NID1: variants seen among roughly 807,000 people sequenced by gnomAD.
NID1 encodes nidogen 1.
NID1 carries 76 observed loss-of-function variants against 130.6 expected under a neutral mutation model. That is an observed-to-expected ratio of 0.58 (90% CI 0.48 to 0.70). The LOEUF is 0.70. Ranked by LOEUF, NID1 falls within the 30% of genes least tolerant of loss-of-function variation. The pLI is 0.00. For missense variants in NID1, 1,517 were observed against 1,664.8 expected (o/e 0.91, Z 1.54); for synonymous variants, 665 against 675.1 (o/e 0.98, Z 0.23).
At chr1:235,981,913 G>T in intron 15 of NID1, 131 bp from the exon 16 acceptor site, 1 of 779,034 alleles carries the variant, frequency 1.3e-6, no homozygotes, top group Non-Finnish European at 2.0e-6. Flanking sequence ...ATGGGAATGT[G>T]AAATGCTTGT....
chr1:236,015,176 C>T (rs147778250), intron 10 of NID1, among the ~76,000 whole-genome samples: 1 of 152,166 alleles, frequency 6.6e-6, no homozygotes, highest in African/African-American at 2.4e-5. Context: ...AGGCTTCCGA[C>T]CTAGAACACT....
chr1:235,979,157 C>T lies in NID1; in HGVS notation c.3510-50G>A, dbSNP rs1205362768. 3 of 1,199,268 alleles carry T rather than the reference C, an allele frequency of 2.5e-6. No individual in the cohort carries two copies. Among genetic ancestry groups the T allele is most frequent in the South Asian group, 1.2e-5 (1 of 81,742 alleles). 74.3% of individuals were successfully genotyped at this position (1,199,268 alleles called of 1,614,324 possible). On this transcript the variant is annotated intron_variant, in intron 18 of 19. Coordinates refer to ENST00000264187, the MANE Select transcript of NID1 (RefSeq NM_002508.3). This position sits in a 1 kb window ranked among gnomAD's most constrained non-coding sequence, Gnocchi z 4.6. ...GTGAAAACACATCTGATGGCTTGAA[C>T]TTGTATCTAAACAAGGCAGCCTCTT... is the stretch of plus-strand genomic sequence containing the variant.
chr1:235,997,142 G>C (rs1657951343), intron 12 of NID1, among the ~76,000 whole-genome samples: 1 of 152,024 alleles, frequency 6.6e-6, no homozygotes, highest in South Asian at 2.1e-4. Flanking sequence ...CCTCCTCTCT[G>C]CTTTTTTTTG....
At chr1:236,037,646 A>C (rs1211150245) in intron 5 of NID1, among the ~76,000 whole-genome samples, 1 of 144,114 alleles carries the variant, frequency 6.9e-6, no homozygotes, top group African/African-American at 2.7e-5. Context: ...TGACAGAGTA[A>C]GACTCTGTCT....
Position 236,042,157 on chromosome 1 carries a change from A to G in NID1, c.888T>C (p.Tyr296=), listed in dbSNP as rs755386683. ...GAEYDDEDED[Y]DLATTRLGLE... is the part of the protein sequence containing the mutation. ...GGCCCAGACGAGTGGTCGCCAGGTC[A>G]TAATCTTCATCCTCATCATCATACT... The change falls in exon 4 of 20, where the codon TAT becomes TAC. Residue 296 remains tyrosine, a synonymous_variant. Coordinates refer to ENST00000264187, the MANE Select transcript of NID1 (RefSeq NM_002508.3). The G allele has an allele frequency of 1.2e-6, 2 of 1,614,074 alleles. No homozygotes were observed. Among genetic ancestry groups the G allele is most frequent in the Non-Finnish European group, 1.7e-6 (2 of 1,180,030 alleles).
chr1:236,029,455 C>G, intron 7 of NID1, 95 bp downstream of exon 7: 1 of 1,228,136 alleles, frequency 8.1e-7, no homozygotes, highest in Non-Finnish European at 1.1e-6. Context: ...CTCCAGATCC[C>G]AGAGACAGCC....
At chr1:235,999,360 A>G (rs1658014029) in intron 12 of NID1, among the ~76,000 whole-genome samples, 1 of 152,190 alleles carries the variant, frequency 6.6e-6, no homozygotes, top group South Asian at 2.1e-4. Flanking sequence ...ACTTGTAAAA[A>G]GGAGGGGGAA....
intron 11 of NID1, 54 bp from the exon 12 acceptor site, chr1:236,012,097 G>T: frequency 6.3e-7 from 1 of 1,589,344 alleles, no homozygotes. Flanking sequence ...GGAATTCGTA[G>T]TTTACCCAAT....
At chr1:236,062,752 T>C (rs986652924) in intron 1 of NID1, among the ~76,000 whole-genome samples, 9 of 151,866 alleles carry the variant, frequency 5.9e-5, no homozygotes, top group Non-Finnish European at 1.0e-4. Context: ...TCATATCACA[T>C]CATAGTTGCT....
intron 12 of NID1, among the ~76,000 whole-genome samples, chr1:235,999,351 C>A (rs1453421495): frequency 6.6e-6 from 1 of 151,964 alleles, no homozygotes. Flanking sequence ...GTATCTTGAA[C>A]TTGTAAAAAG....
chr1:236,002,940 T>C (rs1658122933), intron 12 of NID1, among the ~76,000 whole-genome samples: 1 of 152,172 alleles, frequency 6.6e-6, no homozygotes, highest in East Asian at 1.9e-4. Flanking sequence ...TATTCCTCCC[T>C]GTCTCCTATT....
At chr1:236,054,568 T>A (rs1659844754) in intron 1 of NID1, among the ~76,000 whole-genome samples, 1 of 152,142 alleles carries the variant, frequency 6.6e-6, no homozygotes, top group Non-Finnish European at 1.5e-5. Context: ...ATGAAACCAT[T>A]TGCATATTGG....
At chr1:236,053,996 CAGGAAAT>C (rs1234937989) in intron 1 of NID1, among the ~76,000 whole-genome samples, 8 of 152,066 alleles carry the variant, frequency 5.3e-5, no homozygotes, top group African/African-American at 1.9e-4. Flanking sequence ...TGCCAGTTTA[CAGGAAAT>C]ACAGGAGACA....
chr1:236,029,106 G>A (rs1214700083), intron 7 of NID1, among the ~76,000 whole-genome samples: 2 of 152,170 alleles, frequency 1.3e-5, no homozygotes, highest in East Asian at 3.9e-4. Context: ...AAGCCCAGGA[G>A]GCGGAGGTTG....
At chr1:236,004,381 G>A (rs925355996) in intron 12 of NID1, among the ~76,000 whole-genome samples, 21 of 152,180 alleles carry the variant, frequency 1.4e-4, no homozygotes, top group Non-Finnish European at 2.9e-4. Context: ...GTGGGAACAG[G>A]AAAGCCCCAG....
chr1:236,017,194 G>A lies in NID1; in HGVS notation c.2208C>T (p.Cys736=), dbSNP rs748265133. 26 of 1,613,964 alleles carry A rather than the reference G, an allele frequency of 1.6e-5. No homozygotes were observed. Among genetic ancestry groups the A allele is most frequent in the South Asian group, 1.4e-4 (13 of 91,080 alleles). The change falls in exon 10 of 20, where the codon TGC becomes TGT. Residue 736 remains cysteine, a synonymous_variant. Transcript: ENST00000264187. ...AAAACTGGTAGCCCTCCACACACTCGCAGCGGAAGGTTCCTGGGTGATTAT... is the reference window on the plus strand; with the variant it reads ...AAAACTGGTAGCCCTCCACACACTCACAGCGGAAGGTTCCTGGGTGATTAT... ...ICNNHPGTFR[C]ECVEGYQFSD...
intron 1 of NID1, among the ~76,000 whole-genome samples, chr1:236,062,241 T>G (rs1038215244): frequency 1.3e-5 from 2 of 152,220 alleles, no homozygotes; most frequent in Non-Finnish European, 2.9e-5. Flanking sequence ...TCTCTTTTGA[T>G]CCACACCAGG....
At position 236,013,403 on chromosome 1, in the gene NID1, C is replaced by A. The variant is rs1007257317; in HGVS notation, c.2404+8G>T. 3.0e-5 allele frequency: 49 copies of A among 1,613,624 alleles called. No individual in the cohort carries two copies. In the Admixed American group the frequency reaches 6.2e-4, roughly 20 times the overall value. On this transcript the variant is annotated splice_region_variant and intron_variant, in intron 11 of 19. Coordinates refer to ENST00000264187, the MANE Select transcript of NID1 (RefSeq NM_002508.3). ...TACACACAGGGGAAGATCAGAGCAACCACACACCTTGGCAGGCTTGGCCAT... is the reference window on the plus strand; with the variant it reads ...TACACACAGGGGAAGATCAGAGCAAACACACACCTTGGCAGGCTTGGCCAT...
chr1:236,040,730 C>A (rs1229929198), intron 4 of NID1, among the ~76,000 whole-genome samples: 1 of 150,598 alleles, frequency 6.6e-6, no homozygotes, highest in East Asian at 1.9e-4. Flanking sequence ...ATGGAGCGAT[C>A]TCGGCTCACT....
Sources: gnomAD v4.1 joint callset for allele counts (sites outside exome capture counted in the v4.1 genomes callset) on GRCh38, gnomAD v4.1.1 for gene constraint, Gnocchi (gnomAD v3.1) non-coding constraint, MANE v1.5 for transcripts, NCBI Gene and HGNC (gene_info 2026-07-23, HGNC 2026-07-21) for gene names.